NIPBL: variants seen among roughly 807,000 people sequenced by gnomAD.
The protein encoded by NIPBL is nipped-B-like protein.
A neutral mutation model predicts 321.8 loss-of-function variants in NIPBL; 19 were observed. The observed-to-expected ratio is 0.06, with a 90% CI of 0.04 to 0.09. NIPBL has a LOEUF of 0.09. Ranked by LOEUF, NIPBL falls within the 10% of genes least tolerant of loss-of-function variation. NIPBL has a pLI of 1.00. For synonymous variants in NIPBL, 1,106 were observed against 1,114.1 expected (o/e 0.99, Z 0.14); for missense variants, 2,210 against 3,327.0 (o/e 0.66, Z 8.26).
At chr5:36,971,692 C>A in intron 7 of NIPBL, 2 of 421,032 alleles carry the variant, frequency 4.8e-6, no homozygotes, top group Non-Finnish European at 6.4e-6. Context: ...TAGAAAAAAG[C>A]AAACAAAAAT....
rs1158534218 is a variant in NIPBL, at chr5:37,000,482, A to G, written c.3414A>G (p.Arg1138=). The G allele has an allele frequency of 3.1e-6, 5 of 1,613,482 alleles. No homozygotes were observed. The highest frequency in any genetic ancestry group is 2.7e-5 in the African/African-American group (2 of 74,992). ...HRRSGHSHEG[R]RSSGGGRYRN... ...GAAGTGGCCACTCTCATGAAGGAAG[A>G]AGGAGTTCAGGTGGTGGTCGTTATC... The change falls in exon 12 of 47, where the codon AGA becomes AGG. Residue 1138 remains arginine, a synonymous_variant. Coordinates refer to ENST00000282516, the MANE Select transcript of NIPBL (RefSeq NM_133433.4).
chr5:36,986,246 C>T lies in NIPBL; in HGVS notation c.3066C>T (p.Asp1022=), dbSNP rs764513488. 1 of 1,563,002 alleles carries T rather than the reference C, an allele frequency of 6.4e-7. No individual in the cohort carries two copies. The highest frequency in any genetic ancestry group is 2.0e-5 in the Admixed American group (1 of 50,590). ...AGAAACTTATTAAAGATAGAGAGGA[C>T]AAATCAAGAAGTTCCCTTAAACCTA... The part of the protein sequence containing the change: ...DVQKLIKDRE[D]KSRSSLKPIK... The change falls in exon 10 of 47, where the codon GAC becomes GAT. Residue 1022 remains aspartate, a synonymous_variant. Coordinates refer to ENST00000282516, the MANE Select transcript of NIPBL (RefSeq NM_133433.4).
At chr5:36,943,237 T>C (rs2149585799) in intron 1 of NIPBL, among the ~76,000 whole-genome samples, 1 of 152,306 alleles carries the variant, frequency 6.6e-6, no homozygotes, top group African/African-American at 2.4e-5. Context: ...TTCTATTGTA[T>C]TTCTGCATCC....
intron 9 of NIPBL, among the ~76,000 whole-genome samples, chr5:36,982,033 T>G (rs529963550): frequency 4.0e-5 from 6 of 151,842 alleles, no homozygotes; most frequent in Non-Finnish European, 8.8e-5. Context: ...GTGGTATAGT[T>G]TGTTTTTCTT....
At chr5:36,963,240 T>C (rs931193597) in intron 6 of NIPBL, among the ~76,000 whole-genome samples, 2 of 152,270 alleles carry the variant, frequency 1.3e-5, no homozygotes, top group Non-Finnish European at 2.9e-5. Flanking sequence ...AAGGATAATA[T>C]AAAAAACATC....
chr5:36,902,505 C>A (rs1747309974), intron 1 of NIPBL, among the ~76,000 whole-genome samples: 1 of 152,066 alleles, frequency 6.6e-6, no homozygotes, highest in South Asian at 2.1e-4. Context: ...AATAGAGAGT[C>A]CTTTCCCCAT....
chr5:37,015,464 G>T (rs1005104998), intron 22 of NIPBL, among the ~76,000 whole-genome samples: 1 of 152,204 alleles, frequency 6.6e-6, no homozygotes. Flanking sequence ...GCCAGGTGTG[G>T]TGGCTCACAC....
chr5:36,966,831 G>C (rs1328821234), intron 6 of NIPBL, among the ~76,000 whole-genome samples: 4 of 152,026 alleles, frequency 2.6e-5, no homozygotes, highest in Non-Finnish European at 5.9e-5. Context: ...AAGTGTTCTA[G>C]ATTAATAAGC....
intron 1 of NIPBL, among the ~76,000 whole-genome samples, chr5:36,916,950 G>T (rs541602680): frequency 6.6e-6 from 1 of 151,964 alleles, no homozygotes; most frequent in East Asian, 1.9e-4. Flanking sequence ...GAATAGTGCC[G>T]CAATAAACAT....
At chr5:36,880,198 T>C (rs1745398096) in intron 1 of NIPBL, among the ~76,000 whole-genome samples, 1 of 152,086 alleles carries the variant, frequency 6.6e-6, no homozygotes, top group Non-Finnish European at 1.5e-5. Context: ...TTCTAAGGCT[T>C]CTTCAACTAA....
At chr5:36,885,496 G>T in intron 1 of NIPBL, 1 of 502,250 alleles carries the variant, frequency 2.0e-6, no homozygotes, top group Non-Finnish European at 3.9e-6. Flanking sequence ...TGGACAGAGT[G>T]AGGAGCCTAG....
intron 9 of NIPBL, among the ~76,000 whole-genome samples, chr5:36,978,504 A>C (rs903785720): frequency 1.3e-5 from 2 of 151,826 alleles, no homozygotes; most frequent in Non-Finnish European, 2.9e-5. Context: ...TGTTGGATGC[A>C]TAGTTTGTAA....
intron 38 of NIPBL, 35 bp downstream of exon 38, chr5:37,046,234 T>C: frequency 2.7e-6 from 3 of 1,104,920 alleles, no homozygotes; most frequent in Non-Finnish European, 4.2e-6. Flanking sequence ...TGTAGCTATT[T>C]GAGAGGGATA....
chr5:37,028,455 C>G (rs139507385), intron 32 of NIPBL, among the ~76,000 whole-genome samples: 2,104 of 150,940 alleles, frequency 0.014, 53 homozygotes, highest in African/African-American at 0.05. Context: ...TTTCTCCTAC[C>G]TCAGCCTCCC....
intron 1 of NIPBL, among the ~76,000 whole-genome samples, chr5:36,905,254 G>A (rs1207099836): frequency 6.6e-6 from 1 of 152,182 alleles, no homozygotes; most frequent in Admixed American, 6.5e-5. Context: ...TTACTGTAAT[G>A]TGTGTGTTCA....
At position 37,000,480 on chromosome 5, in the gene NIPBL, A is replaced by G. The variant is rs113698799; in HGVS notation, c.3412A>G (p.Arg1138Gly). The G allele has an allele frequency of 6.2e-7, 1 of 1,613,504 alleles. No individual in the cohort carries two copies. Among genetic ancestry groups the G allele is most frequent in the South Asian group, 1.1e-5 (1 of 91,056 alleles). The change falls in exon 12 of 47, where the codon AGA becomes GGA. Residue 1138 changes from arginine (R) to glycine (G), a missense_variant. Coordinates refer to ENST00000282516, the MANE Select transcript of NIPBL (RefSeq NM_133433.4). ...GAGAAGTGGCCACTCTCATGAAGGAAGAAGGAGTTCAGGTGGTGGTCGTTA... is the reference window on the plus strand; with the variant it reads ...GAGAAGTGGCCACTCTCATGAAGGAGGAAGGAGTTCAGGTGGTGGTCGTTA... The part of the protein sequence containing the change: ...HRRSGHSHEG[R>G]RSSGGGRYRN...
chr5:37,019,355 G>C lies in NIPBL; in HGVS notation c.4965G>C (p.Leu1655Phe). ...EDEIQQLQKA[L>F]LDYLDENTET... ...AAATCCAACAATTACAAAAAGCATT[G>C]CTTGATTACTTGGATGAAAACACTG... The change falls in exon 25 of 47, where the codon TTG becomes TTC. Residue 1655 changes from leucine to phenylalanine, a missense_variant. Physicochemically the swap from Leu to Phe is conservative, Grantham distance 22. Coordinates refer to ENST00000282516, the MANE Select transcript of NIPBL (RefSeq NM_133433.4). 3 of 1,613,366 alleles carry C rather than the reference G, an allele frequency of 1.9e-6. No individual in the cohort carries two copies. Among genetic ancestry groups the C allele is most frequent in the Non-Finnish European group, 2.5e-6 (3 of 1,179,492 alleles).
chr5:36,929,506 TTG>T (rs1355088592), intron 1 of NIPBL, among the ~76,000 whole-genome samples: 1 of 152,130 alleles, frequency 6.6e-6, no homozygotes. Flanking sequence ...AGTCTATGGC[TTG>T]TCTTTTCATT....
intron 32 of NIPBL, among the ~76,000 whole-genome samples, chr5:37,030,157 C>T (rs918313891): frequency 6.6e-6 from 1 of 152,162 alleles, no homozygotes; most frequent in Non-Finnish European, 1.5e-5. Flanking sequence ...CAGATTTATA[C>T]TCTCTTAACA....
Sources: gnomAD v4.1 joint callset for allele counts (sites outside exome capture counted in the v4.1 genomes callset) on GRCh38, gnomAD v4.1.1 for gene constraint, MANE v1.5 for transcripts, NCBI Gene and HGNC (gene_info 2026-07-23, HGNC 2026-07-21) for gene names.